The following OIP5 variants were observed in gnomAD, a reference collection of about 807,000 sequenced individuals.
OIP5 encodes the protein Opa interacting protein 5, also known as protein Mis18-beta.
Under a neutral mutation model 20.3 loss-of-function variants are expected in OIP5, and 24 were observed. That is an observed-to-expected ratio of 1.18 (90% CI 0.86 to 1.66). The LOEUF is 1.66. OIP5 is among the 40% of genes most tolerant of loss of function. The pLI is 0.00. For missense variants in OIP5, 339 were observed against 289.5 expected (o/e 1.17, Z -1.24); for synonymous variants, 143 against 121.3 (o/e 1.18, Z -1.17).
At chr15:41,322,187 C>G (rs2047834648) in intron 2 of OIP5, among the ~76,000 whole-genome samples, 1 of 152,018 alleles carries the variant, frequency 6.6e-6, no homozygotes, top group Admixed American at 6.6e-5. Context: ...TACTGTAATC[C>G]CAGCACTATG....
At chr15:41,309,882 C>CT in intron 4 of OIP5, 33 bp from the exon 5 acceptor site, 1 of 1,470,410 alleles carries the variant, frequency 6.8e-7, no homozygotes, top group Non-Finnish European at 9.4e-7. Flanking sequence ...ATCAGGGCAT[C>CT]TTTTTTTATT....
chr15:41,313,818 A>G (rs8033095), intron 3 of OIP5, among the ~76,000 whole-genome samples: 6,030 of 152,200 alleles, frequency 0.04, 244 homozygotes, highest in African/African-American at 0.1. Flanking sequence ...TTGAGTGTCC[A>G]TGGATTTTGG....
chr15:41,310,799 C>T (rs2047749339), intron 4 of OIP5, among the ~76,000 whole-genome samples: 1 of 152,162 alleles, frequency 6.6e-6, no homozygotes, highest in South Asian at 2.1e-4. Flanking sequence ...TCTTTTAACA[C>T]TTTGTTAACA....
chr15:41,330,400 G>A (rs1274229421), intron 2 of OIP5, among the ~76,000 whole-genome samples: 1 of 147,704 alleles, frequency 6.8e-6, no homozygotes, highest in Non-Finnish European at 1.5e-5. Flanking sequence ...GCTCCCAGCC[G>A]TAATCAGTAT....
At chr15:41,331,842 G>A (rs1304924092) in intron 2 of OIP5, 73 bp downstream of exon 2, 2 of 1,251,648 alleles carry the variant, frequency 1.6e-6, no homozygotes, top group Non-Finnish European at 2.4e-6. Flanking sequence ...TTTTCTCCTC[G>A]TACATGTCAG....
rs752604779 is a variant in OIP5 at position 41,332,383 on chromosome 15, G to A, written c.179C>T (p.Pro60Leu). The change falls in exon 1 of 5, where the codon CCA becomes CTA. Residue 60 changes from proline to leucine, a missense_variant. By Grantham distance (98) the Pro-to-Leu change is moderately conservative (BLOSUM62 -3). Coordinates refer to ENST00000220514, the MANE Select transcript of OIP5 (RefSeq NM_007280.2). ...LGPAGLGAEE[P>L]AAGPQLPSWL... ...AGACGGCAGCTGCGGGCCGGCGGCTGGCTCCTCAGCCCCCAGCCCTGCGGG... is the reference window on the plus strand; with the variant it reads ...AGACGGCAGCTGCGGGCCGGCGGCTAGCTCCTCAGCCCCCAGCCCTGCGGG... 6 of 1,612,720 alleles carry A rather than the reference G, an allele frequency of 3.7e-6. No individual in the cohort carries two copies. The Admixed American group carries it at 1.0e-4, about 27-fold the overall frequency.
chr15:41,327,204 G>T (rs1348537605), intron 2 of OIP5, among the ~76,000 whole-genome samples: 3 of 150,946 alleles, frequency 2.0e-5, no homozygotes, highest in Non-Finnish European at 4.4e-5. Context: ...TTTCTGAGAT[G>T]GAGTCTTCCT....
chr15:41,329,495 T>A (rs2140467779), intron 2 of OIP5, among the ~76,000 whole-genome samples: 1 of 151,926 alleles, frequency 6.6e-6, no homozygotes, highest in Middle Eastern at 3.4e-3. Context: ...TTTGTACTTT[T>A]AGTAGAGACG....
chr15:41,329,063 CAAAAAAAAAAAAAAAAAA>C (rs1166517767), intron 2 of OIP5, among the ~76,000 whole-genome samples: 2 of 50,356 alleles, frequency 4.0e-5, no homozygotes, highest in Non-Finnish European at 7.1e-5. Context: ...GACTCCATCT[CAAAAAAAAAAAAAAAAAA>C]AAAAAAAAAA....
intron 3 of OIP5, among the ~76,000 whole-genome samples, chr15:41,318,072 GGA>G (rs2047798929): frequency 6.6e-6 from 1 of 152,072 alleles, no homozygotes; most frequent in South Asian, 2.1e-4. Context: ...CCTATTAGAG[GGA>G]GAGAGAGGCT....
At chr15:41,314,496 CT>C (rs2047777936) in intron 3 of OIP5, among the ~76,000 whole-genome samples, 1 of 152,040 alleles carries the variant, frequency 6.6e-6, no homozygotes, top group Non-Finnish European at 1.5e-5. Flanking sequence ...TGACATAGTT[CT>C]GGCCAACAAG....
At position 41,313,366 on chromosome 15, in the gene OIP5, AAAAG is replaced by A; in HGVS notation, c.513-16_513-13del. ...TTTTTAAGAGATAGCTAGATAGGAA[AAAAG>A]AAAAATATTAGTGTCATACCATGGT... On this transcript the variant is annotated splice_polypyrimidine_tract_variant and intron_variant, in intron 3 of 4. Coordinates refer to ENST00000220514, the MANE Select transcript of OIP5 (RefSeq NM_007280.2). The A allele has an allele frequency of 1.4e-6, 2 of 1,456,424 alleles. No homozygotes were observed. The highest frequency in any genetic ancestry group is 1.9e-6 in the Non-Finnish European group (2 of 1,046,028). 90.2% of individuals were successfully genotyped at this position (1,456,424 alleles called of 1,614,324 possible).
At chr15:41,326,396 A>G (rs1441548956) in intron 2 of OIP5, among the ~76,000 whole-genome samples, 2 of 152,114 alleles carry the variant, frequency 1.3e-5, no homozygotes, top group Admixed American at 1.3e-4. Flanking sequence ...GCCTCTGATC[A>G]TGTGTATAGT....
At chr15:41,319,471 T>C (rs981293902) in intron 3 of OIP5, among the ~76,000 whole-genome samples, 187 bp downstream of exon 3, 5 of 152,008 alleles carry the variant, frequency 3.3e-5, no homozygotes, top group African/African-American at 1.2e-4. Context: ...GCCAGGCTGG[T>C]CTCAAACTCC....
chr15:41,309,913 G>GA, intron 4 of OIP5, 64 bp from the exon 5 acceptor site: 1 of 1,151,994 alleles, frequency 8.7e-7, no homozygotes, highest in Non-Finnish European at 1.3e-6. Flanking sequence ...TTAAGAGACA[G>GA]GGTCTCACTC....
intron 3 of OIP5, among the ~76,000 whole-genome samples, chr15:41,315,497 C>A (rs373151383): frequency 6.6e-6 from 1 of 151,964 alleles, no homozygotes; most frequent in Non-Finnish European, 1.5e-5. Context: ...TCTCCATATC[C>A]TTTTCCTTCA....
chr15:41,309,693 A>C lies in OIP5; in HGVS notation c.*61T>G. 4 of 1,062,042 alleles carry C rather than the reference A, an allele frequency of 3.8e-6. No homozygotes were observed. The highest frequency in any genetic ancestry group is 5.7e-6 in the Non-Finnish European group (4 of 695,996). 65.8% of individuals were successfully genotyped at this position (1,062,042 alleles called of 1,614,324 possible). A position where few individuals can be genotyped will look rare whatever the true frequency, so the allele number is the denominator to read the frequency against. Reference sequence around the variant, plus strand: ...AATCTTTTTCAAGAAATGACTAAGCAGCACCTGTTGTTGAAGACAGCAATA... The same window carrying C: ...AATCTTTTTCAAGAAATGACTAAGCCGCACCTGTTGTTGAAGACAGCAATA... On this transcript the variant is annotated 3_prime_UTR_variant, in exon 5 of 5. Coordinates refer to ENST00000220514, the MANE Select transcript of OIP5 (RefSeq NM_007280.2).
At chr15:41,314,254 A>G (rs1164402813) in intron 3 of OIP5, among the ~76,000 whole-genome samples, 1 of 152,098 alleles carries the variant, frequency 6.6e-6, no homozygotes, top group African/African-American at 2.4e-5. Context: ...GGCTTGCGCC[A>G]CCACGCCCAG....
chr15:41,330,310 G>A (rs1193689643), intron 2 of OIP5, among the ~76,000 whole-genome samples: 1 of 151,728 alleles, frequency 6.6e-6, no homozygotes, highest in Non-Finnish European at 1.5e-5. Flanking sequence ...TTTTGGTCAG[G>A]CTGGTCTCGA....
Sources: allele counts gnomAD v4.1 joint callset (sites outside exome capture counted in the v4.1 genomes callset), GRCh38; gene constraint gnomAD v4.1.1; transcripts MANE v1.5; gene names NCBI Gene and HGNC (gene_info 2026-07-23, HGNC 2026-07-21).